The following DEPDC5 variants were observed in gnomAD, a reference collection of about 807,000 sequenced individuals.
DEPDC5 encodes GATOR1 complex protein DEPDC5.
A neutral mutation model predicts 217.3 loss-of-function variants in DEPDC5; 73 were observed. The observed-to-expected ratio is 0.34, with a 90% confidence interval of 0.28 to 0.41. The LOEUF (loss-of-function observed/expected upper bound fraction) is 0.41, where lower values mean the gene tolerates loss of function less well. Among genes scored for constraint, DEPDC5 ranks in the 10% least tolerant of loss-of-function variants. The pLI, the probability that DEPDC5 is intolerant of heterozygous loss-of-function variation, is 1.00. For missense variants in DEPDC5, 1,675 were observed against 2,070.1 expected (o/e 0.81, Z 3.70); for synonymous variants, 733 against 756.7 (o/e 0.97, Z 0.51).
chr22:31,873,314 A>G lies in DEPDC5; in HGVS notation c.3545A>G (p.Glu1182Gly), dbSNP rs373459336. The change falls in exon 35 of 43, where the codon GAA becomes GGA. Residue 1182 changes from glutamate to glycine, a missense_variant. Glu to Gly is a moderately conservative substitution (Grantham distance 98). Coordinates refer to ENST00000651528, the MANE Select transcript of DEPDC5 (RefSeq NM_001242896.3). ...TCCTCTACCCTGACAGAGATCCTGGAAGCCATGAAGCACCCCTCGTAAGTG... is the reference window on the plus strand; with the variant it reads ...TCCTCTACCCTGACAGAGATCCTGGGAGCCATGAAGCACCCCTCGTAAGTG... The part of the protein sequence containing the change: ...TSSSTLTEIL[E>G]AMKHPSTGVQ... 16 of 1,613,866 alleles carry G rather than the reference A, an allele frequency of 9.9e-6. No homozygotes were observed. The African/African-American group carries it at 1.9e-4, about 19-fold the overall frequency.
intron 19 of DEPDC5, among the ~76,000 whole-genome samples, chr22:31,809,921 G>A (rs1005039221): frequency 1.4e-4 from 21 of 152,178 alleles, no homozygotes; most frequent in East Asian, 7.7e-4. Flanking sequence ...GGCAGAGGTT[G>A]CAGTGAGCCG....
chr22:31,807,265 T>C (rs2087662616), intron 18 of DEPDC5, among the ~76,000 whole-genome samples: 1 of 152,132 alleles, frequency 6.6e-6, no homozygotes, highest in Non-Finnish European at 1.5e-5. Context: ...TGTAAGGAAA[T>C]AATTGAAGTG....
chr22:31,892,162 T>C (rs2093449857), intron 38 of DEPDC5, among the ~76,000 whole-genome samples: 1 of 152,158 alleles, frequency 6.6e-6, no homozygotes, highest in Non-Finnish European at 1.5e-5. Flanking sequence ...GTCACTGAAA[T>C]AAAAAGATCT....
chr22:31,893,590 G>A lies in DEPDC5; in HGVS notation c.4042G>A (p.Val1348Ile), dbSNP rs1380088913. 1 of 1,605,996 alleles carries A rather than the reference G, an allele frequency of 6.2e-7. No individual in the cohort carries two copies. Reference sequence around the variant, plus strand: ...CCTGTGTGCTGACATAGCTGCCACTGTCCCAGAGCAGAGGACTGTGACCCT... The same window carrying A: ...CCTGTGTGCTGACATAGCTGCCACTATCCCAGAGCAGAGGACTGTGACCCT... ...SQAAALLAATVPEQRTVTLDV... is the reference protein window; with the variant it reads ...SQAAALLAATIPEQRTVTLDV... The change falls in exon 39 of 43, where the codon GTC becomes ATC. Residue 1348 changes from valine (V) to isoleucine (I), a missense_variant. Physicochemically the swap from Val to Ile is conservative, Grantham distance 29. Around this residue, in one of 11 missense-constraint regions of DEPDC5, gnomAD observed 182 missense variants for 290.1 expected, o/e 0.63. Transcript: ENST00000651528.
chr22:31,879,782 G>T (rs761199426), intron 38 of DEPDC5, 30 bp downstream of exon 38: 19 of 1,593,884 alleles, frequency 1.2e-5, no homozygotes, highest in Non-Finnish European at 1.5e-5. Flanking sequence ...AAGGTCTGAG[G>T]GTGTGCCAGT....
intron 31 of DEPDC5, among the ~76,000 whole-genome samples, 175 bp from the exon 32 acceptor site, chr22:31,857,270 A>G (rs903837632): frequency 2.6e-5 from 4 of 152,298 alleles, no homozygotes; most frequent in Middle Eastern, 3.4e-3. Context: ...AGGACTGGTG[A>G]TTGTTCAGCA....
chr22:31,780,944 G>A (rs990239274), intron 8 of DEPDC5, among the ~76,000 whole-genome samples: 1 of 152,194 alleles, frequency 6.6e-6, no homozygotes, highest in South Asian at 2.1e-4. Context: ...TGGGCCGGGC[G>A]CGGTGGCTCA....
intron 12 of DEPDC5, among the ~76,000 whole-genome samples, chr22:31,797,352 A>C (rs1295649086): frequency 6.6e-6 from 1 of 152,160 alleles, no homozygotes; most frequent in African/African-American, 2.4e-5. Context: ...GGCATGTCTT[A>C]CCATGGTGAA....
intron 35 of DEPDC5, 60 bp from the exon 36 acceptor site, chr22:31,874,213 C>G: frequency 6.4e-7 from 1 of 1,563,114 alleles, no homozygotes. Flanking sequence ...ATCTTTCCTT[C>G]CACTTGTTGC....
intron 38 of DEPDC5, among the ~76,000 whole-genome samples, chr22:31,885,075 C>T (rs2093272834): frequency 6.6e-6 from 1 of 152,174 alleles, no homozygotes; most frequent in Non-Finnish European, 1.5e-5. Context: ...CTGGCTTCCT[C>T]CCCTGCTCCT....
chr22:31,883,626 T>C (rs1455408524), intron 38 of DEPDC5, among the ~76,000 whole-genome samples: 1 of 152,234 alleles, frequency 6.6e-6, no homozygotes, highest in Non-Finnish European at 1.5e-5. Flanking sequence ...CTTTAGAGTT[T>C]AGGAAACTGT....
chr22:31,856,833 C>T (rs926526779), intron 31 of DEPDC5, among the ~76,000 whole-genome samples: 1 of 152,002 alleles, frequency 6.6e-6, no homozygotes, highest in African/African-American at 2.4e-5. Context: ...GCAGTGGCAC[C>T]ATCTCAGCTC....
At chr22:31,876,614 A>G (rs1046172764) in intron 37 of DEPDC5, among the ~76,000 whole-genome samples, 1 of 152,138 alleles carries the variant, frequency 6.6e-6, no homozygotes, top group Non-Finnish European at 1.5e-5. Flanking sequence ...TGATTATATT[A>G]TCATGGGCTC....
At chr22:31,765,351 G>A (rs1009771599) in intron 5 of DEPDC5, among the ~76,000 whole-genome samples, 3 of 152,014 alleles carry the variant, frequency 2.0e-5, no homozygotes, top group Non-Finnish European at 1.5e-5. Flanking sequence ...GTGCAGTGGC[G>A]TGATCTCGGC....
intron 8 of DEPDC5, among the ~76,000 whole-genome samples, chr22:31,779,419 G>T (rs1190959744): frequency 6.6e-6 from 1 of 152,222 alleles, no homozygotes; most frequent in African/African-American, 2.4e-5. Context: ...CTGGGGTGAA[G>T]AGTATTCCAG....
At chr22:31,847,687 G>A (rs1394645994) in intron 31 of DEPDC5, among the ~76,000 whole-genome samples, 1 of 152,116 alleles carries the variant, frequency 6.6e-6, no homozygotes, top group Non-Finnish European at 1.5e-5. Context: ...CCCATGACAC[G>A]TGGGGATTAT....
At chr22:31,810,224 A>T (rs1399997659) in intron 19 of DEPDC5, among the ~76,000 whole-genome samples, 1 of 152,180 alleles carries the variant, frequency 6.6e-6, no homozygotes, top group African/African-American at 2.4e-5. Flanking sequence ...ATTTATTTTA[A>T]GAAGGGTCAC....
Position 31,877,254 on chromosome 22 carries a change from G to A in DEPDC5, c.3805+989G>A, listed in dbSNP as rs1330019328. Among the ~76,000 whole-genome samples the A allele has an allele frequency of 1.1e-4, 16 of 149,528 alleles. No homozygotes were observed. The East Asian group carries it at 3.0e-3, about 28-fold the overall frequency. On this transcript the variant is annotated intron_variant, in intron 37 of 42. Transcript: ENST00000651528. Reference sequence around the variant, plus strand: ...AGTTCGAGACCAGCCTGGGCAACACGATGAAACCCCACCTCTACTAAAATA... The same window carrying A: ...AGTTCGAGACCAGCCTGGGCAACACAATGAAACCCCACCTCTACTAAAATA...
chr22:31,798,665 G>T lies in DEPDC5; in HGVS notation c.946+9G>T. The T allele has an allele frequency of 6.2e-7, 1 of 1,609,582 alleles. No individual in the cohort carries two copies. Among genetic ancestry groups the T allele is most frequent in the South Asian group, 1.1e-5 (1 of 90,836 alleles). On this transcript the variant is annotated intron_variant, in intron 14 of 42. Coordinates refer to ENST00000651528, the MANE Select transcript of DEPDC5 (RefSeq NM_001242896.3). ...CAATCTGTCATTCAATGGTGAGTAA[G>T]GATGCCGGCCATGAGCCAGCATCTT...
Sources: gnomAD v4.1 joint callset for allele counts (sites outside exome capture counted in the v4.1 genomes callset) on GRCh38, gnomAD v4.1.1 for gene constraint, gnomAD v4.1.1 regional missense constraint, MANE v1.5 for transcripts, NCBI Gene and HGNC (gene_info 2026-07-23, HGNC 2026-07-21) for gene names.